GPATCH1: variants seen among roughly 807,000 people sequenced by gnomAD.
GPATCH1 encodes the protein G patch domain-containing protein 1.
Under a neutral mutation model 114.9 loss-of-function variants are expected in GPATCH1, and 73 were observed. The observed-to-expected ratio is 0.64, with a 90% CI of 0.53 to 0.77. The LOEUF (loss-of-function observed/expected upper bound fraction) is 0.77. GPATCH1 is among the 30% of genes least tolerant of loss of function. The probability of loss-of-function intolerance (pLI) is 0.00; values close to 1 mark genes in which losing one functional copy is unlikely to be tolerated. For missense variants in GPATCH1, 1,058 were observed against 1,144.3 expected, an observed-to-expected ratio of 0.92 and a Z score of 1.09; for synonymous variants, 391 against 428.4, an observed-to-expected ratio of 0.91 and a Z score of 1.08.
Position 33,109,816 on chromosome 19 carries a change from C to A in GPATCH1, c.1385C>A (p.Ala462Asp), listed in dbSNP as rs558124636. Reference protein sequence around the residue: ...ATDLKAAQLKARSLAQNAQSS... With the variant: ...ATDLKAAQLKDRSLAQNAQSS... The stretch of plus-strand genomic sequence containing the variant: ...GACCTGAAAGCAGCTCAGCTCAAGG[C>A]CAGGAGTCTGGCCCAGAACGCTCAG... Residue 462 changes from alanine to aspartate, a missense_variant, in exon 11 of 20, where the codon GCC becomes GAC. By Grantham distance (126) the Ala-to-Asp change is moderately radical. Around this residue, in one of 3 missense-constraint regions of GPATCH1, gnomAD observed 893 missense variants for 977.4 expected, o/e 0.91. Coordinates refer to ENST00000170564, the MANE Select transcript of GPATCH1 (RefSeq NM_018025.3). The A allele has an allele frequency of 9.3e-6, 15 of 1,613,672 alleles. No homozygotes were observed. In the South Asian group the frequency reaches 1.6e-4, roughly 18 times the overall value.
chr19:33,083,502 C>T (rs1234381743), intron 1 of GPATCH1, among the ~76,000 whole-genome samples: 2 of 150,842 alleles, frequency 1.3e-5, no homozygotes, highest in Non-Finnish European at 2.9e-5. Context: ...TCAAGCGATT[C>T]TCCTGCCTCA....
chr19:33,119,998 T>C (rs1972959748), intron 17 of GPATCH1, among the ~76,000 whole-genome samples: 1 of 143,110 alleles, frequency 7.0e-6, no homozygotes, highest in South Asian at 2.1e-4. Context: ...TATTTATATA[T>C]TATATTTTAT....
intron 15 of GPATCH1, among the ~76,000 whole-genome samples, chr19:33,116,038 T>A (rs1972913309): frequency 6.7e-6 from 1 of 150,270 alleles, no homozygotes; most frequent in African/African-American, 2.4e-5. Flanking sequence ...CTCTTGGTAT[T>A]TTTTTTTTAG....
chr19:33,101,589 T>C lies in GPATCH1; in HGVS notation c.1080+15T>C. ...CTTCTAAGAAAGTAAGAAAAACTTT[T>C]TTTCTTTCTTTTTTTACTGGTTTAG... On this transcript the variant is annotated intron_variant, in intron 9 of 19. Coordinates refer to ENST00000170564, the MANE Select transcript of GPATCH1 (RefSeq NM_018025.3). The C allele has an allele frequency of 3.8e-6, 5 of 1,316,768 alleles. No individual in the cohort carries two copies. Among genetic ancestry groups the C allele is most frequent in the African/African-American group, 1.5e-5 (1 of 68,868 alleles). The allele number at this position is 1,316,768 out of a possible 1,614,324, so 81.6% of individuals were successfully genotyped here.
chr19:33,086,162 A>G (rs1380774133), intron 1 of GPATCH1, among the ~76,000 whole-genome samples: 1 of 150,076 alleles, frequency 6.7e-6, no homozygotes, highest in Admixed American at 6.7e-5. Context: ...GAGATTGAGA[A>G]GCTCTGCCAT....
rs201482751 is a variant in GPATCH1 at position 33,117,879 on chromosome 19, A to T, written c.2251A>T (p.Met751Leu). 85 of 1,614,066 alleles carry T rather than the reference A, an allele frequency of 5.3e-5. 1 individual carries two copies. The highest frequency in any genetic ancestry group is 4.5e-4 in the South Asian group (41 of 91,076). Reference sequence around the variant, plus strand: ...TGAAGGAGAAGGGAGCCGCCCATCCATGGACTTATTCAGGGCCATCTTTGC... The same window carrying T: ...TGAAGGAGAAGGGAGCCGCCCATCCTTGGACTTATTCAGGGCCATCTTTGC... ...QAEGEGSRPSMDLFRAIFASS... is the reference protein window; with the variant it reads ...QAEGEGSRPSLDLFRAIFASS... The change falls in exon 16 of 20, where the codon ATG becomes TTG. Residue 751 changes from methionine to leucine, a missense_variant. This residue lies in a region of GPATCH1 where 893 missense variants were observed against 977.4 expected (regional missense o/e 0.91). Transcript: ENST00000170564.
chr19:33,108,216 C>G (rs1972808696), intron 10 of GPATCH1, among the ~76,000 whole-genome samples: 2 of 152,118 alleles, frequency 1.3e-5, no homozygotes, highest in Non-Finnish European at 2.9e-5. Flanking sequence ...TGTTTCCTGT[C>G]CATCTCCCGT....
At chr19:33,109,283 G>A (rs1289895688) in intron 10 of GPATCH1, among the ~76,000 whole-genome samples, 2 of 152,132 alleles carry the variant, frequency 1.3e-5, no homozygotes, top group African/African-American at 4.8e-5. Context: ...TTGGGAGGCC[G>A]AGGCGGGTGG....
rs1972873370 is a variant in GPATCH1 at position 33,112,911 on chromosome 19, T to C, written c.1892+298T>C. ...TGCCACCTTCTTGTTGCTGCTCATGTGGTTTACATTTATAATGTTACTTAT... is the reference window on the plus strand; with the variant it reads ...TGCCACCTTCTTGTTGCTGCTCATGCGGTTTACATTTATAATGTTACTTAT... On this transcript the variant is annotated intron_variant, in intron 13 of 19. Coordinates refer to ENST00000170564, the MANE Select transcript of GPATCH1 (RefSeq NM_018025.3). 3 of 242,288 alleles carry C rather than the reference T, an allele frequency of 1.2e-5. No homozygotes were observed. The East Asian group carries it at 2.9e-4, about 23-fold the overall frequency. The allele number at this position is 242,288 out of a possible 1,614,324, so 15.0% of individuals were successfully genotyped here.
chr19:33,117,641 C>T (rs979540664), intron 15 of GPATCH1, among the ~76,000 whole-genome samples, 184 bp from the exon 16 acceptor site: 1 of 152,020 alleles, frequency 6.6e-6, no homozygotes, highest in Non-Finnish European at 1.5e-5. Flanking sequence ...GTTGTTGACT[C>T]GGAAACACCA....
intron 19 of GPATCH1, among the ~76,000 whole-genome samples, chr19:33,129,920 G>C (rs985469663): frequency 3.3e-5 from 5 of 150,026 alleles, no homozygotes; most frequent in African/African-American, 9.9e-5. Flanking sequence ...CTCCAGCCTG[G>C]GCGACAAAAG....
intron 3 of GPATCH1, among the ~76,000 whole-genome samples, chr19:33,091,227 C>T (rs1291723953): frequency 3.3e-5 from 5 of 151,842 alleles, no homozygotes; most frequent in South Asian, 2.1e-4. Context: ...CTGGCTAACA[C>T]GGTGAAACCC....
At position 33,102,907 on chromosome 19, in the gene GPATCH1, C is replaced by T. The variant is rs540452920; in HGVS notation, c.1080+1333C>T. Among the ~76,000 whole-genome samples the T allele has an allele frequency of 3.9e-5, 6 of 152,292 alleles. No homozygotes were observed. In the South Asian group the frequency reaches 8.3e-4, roughly 21 times the overall value. On this transcript the variant is annotated intron_variant, in intron 9 of 19. Coordinates refer to ENST00000170564, the MANE Select transcript of GPATCH1 (RefSeq NM_018025.3). ...GTTCCCTGGCCTCCTCAGCTGGGGC[C>T]GAGCAGAAGGGAGAGAAGCCGTGTG...
At chr19:33,110,546 A>G (rs756825308) in intron 11 of GPATCH1, among the ~76,000 whole-genome samples, 4 of 152,174 alleles carry the variant, frequency 2.6e-5, no homozygotes, top group Non-Finnish European at 4.4e-5. Flanking sequence ...GGTTATCAGT[A>G]AATTACAGGG....
At chr19:33,105,550 G>T (rs1424255910) in intron 9 of GPATCH1, among the ~76,000 whole-genome samples, 2 of 151,780 alleles carry the variant, frequency 1.3e-5, no homozygotes, top group Admixed American at 1.3e-4. Flanking sequence ...TTGAGATGGA[G>T]TCTCACTCTG....
intron 7 of GPATCH1, 46 bp downstream of exon 7, chr19:33,096,492 A>T (rs1972661375): frequency 6.8e-7 from 1 of 1,477,606 alleles, no homozygotes; most frequent in Non-Finnish European, 9.2e-7. Context: ...TTGATAAATG[A>T]GTCTACTTTC....
chr19:33,124,196 ACTG>A (rs1973016036), intron 17 of GPATCH1, among the ~76,000 whole-genome samples: 1 of 151,838 alleles, frequency 6.6e-6, no homozygotes, highest in Non-Finnish European at 1.5e-5. Flanking sequence ...AATGCCTTTC[ACTG>A]CTTCTACTAT....
intron 9 of GPATCH1, among the ~76,000 whole-genome samples, chr19:33,104,293 T>C (rs1172778813): frequency 1.3e-5 from 2 of 148,210 alleles, no homozygotes; most frequent in African/African-American, 2.6e-5. Context: ...TGAGCTGTGA[T>C]TGGCTGCTGC....
At chr19:33,099,263 C>T (rs1239823216) in intron 8 of GPATCH1, among the ~76,000 whole-genome samples, 1 of 151,202 alleles carries the variant, frequency 6.6e-6, no homozygotes, top group Admixed American at 6.6e-5. Flanking sequence ...TATCCTATAT[C>T]TGTTAATATA....
Sources: gnomAD v4.1 joint callset for allele counts (sites outside exome capture counted in the v4.1 genomes callset) on GRCh38, gnomAD v4.1.1 for gene constraint, gnomAD v4.1.1 regional missense constraint, MANE v1.5 for transcripts, NCBI Gene and HGNC (gene_info 2026-07-23, HGNC 2026-07-21) for gene names.